ARFGEF1: variants seen among roughly 807,000 people sequenced by gnomAD.
ARFGEF1 encodes the protein ARF guanine nucleotide exchange factor 1.
Under a neutral mutation model 231.0 loss-of-function variants are expected in ARFGEF1, and 42 were observed. The observed-to-expected ratio is 0.18, with a 90% CI of 0.14 to 0.24. The LOEUF is 0.24. Ranked by LOEUF, ARFGEF1 falls within the 10% of genes least tolerant of loss-of-function variation. The probability of loss-of-function intolerance (pLI) is 1.00; values close to 1 mark genes in which losing one functional copy is unlikely to be tolerated. For missense variants in ARFGEF1, 1,345 were observed against 2,192.0 expected, an observed-to-expected ratio of 0.61 and a Z score of 7.72; for synonymous variants, 710 against 732.3, an observed-to-expected ratio of 0.97 and a Z score of 0.49.
intron 1 of ARFGEF1, among the ~76,000 whole-genome samples, chr8:67,341,722 C>A (rs1283848553): frequency 2.0e-5 from 3 of 152,178 alleles, no homozygotes; most frequent in Non-Finnish European, 4.4e-5. Context: ...TCCCCAGTCT[C>A]ACTCCAATTT....
intron 29 of ARFGEF1, 125 bp from the exon 30 acceptor site, chr8:67,219,685 G>A (rs1391335789): frequency 2.0e-6 from 2 of 993,942 alleles, no homozygotes; most frequent in African/African-American, 1.7e-5. Context: ...ATTAACACAT[G>A]ACACTGGGTT....
chr8:67,271,383 C>A (rs58715460), intron 10 of ARFGEF1, among the ~76,000 whole-genome samples: 19,763 of 151,920 alleles, frequency 0.13, 2,554 homozygotes, highest in African/African-American at 0.33. Flanking sequence ...CAAATGTATT[C>A]GAATATACCA....
chr8:67,227,982 A>G lies in ARFGEF1; in HGVS notation c.3572T>C (p.Ile1191Thr). Residue 1191 changes from isoleucine (I) to threonine (T), a missense_variant, in exon 25 of 39, where the codon ATT becomes ACT. Transcript: ENST00000262215. ...RLQWSRIWEV[I>T]GDHFNKVGCN... is the part of the protein sequence containing the mutation. ...AAATACCTTATTAAAATGATCTCCAATAACTTCCCAAATTCGAGACCACTG... is the reference window on the plus strand; with the variant it reads ...AAATACCTTATTAAAATGATCTCCAGTAACTTCCCAAATTCGAGACCACTG... The G allele has an allele frequency of 6.3e-7, 1 of 1,580,548 alleles. No homozygotes were observed. Among genetic ancestry groups the G allele is most frequent in the Non-Finnish European group, 8.5e-7 (1 of 1,171,182 alleles).
At chr8:67,176,954 C>G (rs535309536) in intron 5 of ARFGEF1, among the ~76,000 whole-genome samples, 55 of 151,824 alleles carry the variant, frequency 3.6e-4, no homozygotes, top group African/African-American at 1.2e-3. Flanking sequence ...GCCTGTAGTC[C>G]CAGCTACTCC....
At chr8:67,215,647 T>A (rs573961152) in intron 33 of ARFGEF1, among the ~76,000 whole-genome samples, 109 of 152,264 alleles carry the variant, frequency 7.2e-4, no homozygotes, top group African/African-American at 2.4e-3. Flanking sequence ...AGCCAAATAA[T>A]GCCAAAGGTT....
chr8:67,336,960 C>A (rs577169049), intron 1 of ARFGEF1, among the ~76,000 whole-genome samples: 2 of 151,626 alleles, frequency 1.3e-5, no homozygotes, highest in South Asian at 4.2e-4. Flanking sequence ...GAAACCCCAT[C>A]TCTAATAAAA....
Position 67,266,233 on chromosome 8 carries a change from A to C in ARFGEF1, c.1922-26T>G, listed in dbSNP as rs760240706. On this transcript the variant is annotated intron_variant, in intron 13 of 38. Transcript: ENST00000262215. ...CTGAAAGAAGAAAAATTGATAGAGT[A>C]CATTATTCTATCAAAGAAAAAAAAA... The C allele has an allele frequency of 5.7e-6, 9 of 1,582,396 alleles. No homozygotes were observed. In the South Asian group the frequency reaches 1.0e-4, roughly 18 times the overall value.
intron 5 of ARFGEF1, chr8:67,190,715 T>G: frequency 6.2e-7 from 1 of 1,614,086 alleles, no homozygotes; most frequent in Non-Finnish European, 8.5e-7. Flanking sequence ...ACAGTTGCCC[T>G]CTGCACGGGA....
At chr8:67,252,282 CAAAAAAAAA>C (rs57653248) in intron 18 of ARFGEF1, among the ~76,000 whole-genome samples, 3 of 21,872 alleles carry the variant, frequency 1.4e-4, no homozygotes, top group Non-Finnish European at 3.0e-4. Flanking sequence ...AACTCCATCT[CAAAAAAAAA>C]AAAAAAAAAA....
rs112008309 is a variant in ARFGEF1, at chr8:67,284,692, C to T, written c.1027+3263G>A. ...TGAGGAGCAACCTTGTGGTATTGGACGTGAAGTAGAACTACAAATAGGAAC... is the reference window on the plus strand; with the variant it reads ...TGAGGAGCAACCTTGTGGTATTGGATGTGAAGTAGAACTACAAATAGGAAC... On this transcript the variant is annotated intron_variant, in intron 7 of 38. Transcript: ENST00000262215. Among the ~76,000 whole-genome samples, 95 of 152,172 alleles carry T rather than the reference C, an allele frequency of 6.2e-4. 2 individuals are homozygous for T. The highest frequency in any genetic ancestry group is 3.5e-3 in the Admixed American group (53 of 15,290).
At chr8:67,311,647 C>T (rs1322114298) in intron 1 of ARFGEF1, among the ~76,000 whole-genome samples, 2 of 151,592 alleles carry the variant, frequency 1.3e-5, no homozygotes, top group African/African-American at 2.4e-5. Context: ...CCAGCCGCCC[C>T]GTCCGGGAGG....
chr8:67,267,275 T>A (rs374983072), intron 11 of ARFGEF1, 45 bp from the exon 12 acceptor site: 1 of 1,600,178 alleles, frequency 6.2e-7, no homozygotes, highest in African/African-American at 1.3e-5. Flanking sequence ...ATCTAGGATA[T>A]GAGTACATTT....
At chr8:67,255,716 C>T (rs1840432863) in intron 17 of ARFGEF1, among the ~76,000 whole-genome samples, 1 of 152,220 alleles carries the variant, frequency 6.6e-6, no homozygotes. Flanking sequence ...CAGCTGCAGG[C>T]TGCATAGCAG....
intron 1 of ARFGEF1, among the ~76,000 whole-genome samples, chr8:67,327,507 AT>A (rs1342272560): frequency 1.3e-5 from 2 of 152,012 alleles, no homozygotes; most frequent in African/African-American, 2.4e-5. Flanking sequence ...TTTACTATAG[AT>A]GGGGTTTCAC....
At chr8:67,206,314 G>A (rs1179585093) in intron 34 of ARFGEF1, among the ~76,000 whole-genome samples, 3 of 151,542 alleles carry the variant, frequency 2.0e-5, no homozygotes. Context: ...GGAGGCTGAG[G>A]CAGAAGAATG....
intron 19 of ARFGEF1, among the ~76,000 whole-genome samples, chr8:67,248,368 C>T (rs532605504): frequency 6.7e-6 from 1 of 150,164 alleles, no homozygotes; most frequent in Admixed American, 6.6e-5. Flanking sequence ...GACAAAGGAA[C>T]CAAGAACATA....
At chr8:67,287,368 TGA>T (rs1805804588) in intron 7 of ARFGEF1, among the ~76,000 whole-genome samples, 1 of 152,216 alleles carries the variant, frequency 6.6e-6, no homozygotes, top group Non-Finnish European at 1.5e-5. Context: ...ATGACTTCAC[TGA>T]GAGAAGACAT....
chr8:67,271,784 A>T lies in ARFGEF1; in HGVS notation c.1490T>A (p.Val497Asp). Reference sequence around the variant, plus strand: ...AAGAGAAAGCTCAAAAACCTCTGGAACAGATGAGACTCCATTTTTTGAGAG... The same window carrying T: ...AAGAGAAAGCTCAAAAACCTCTGGATCAGATGAGACTCCATTTTTTGAGAG... ...VALSKNGVSS[V>D]PEVFELSLSI... is the part of the protein sequence containing the mutation. The change falls in exon 10 of 39, where the codon GTT becomes GAT. Residue 497 changes from valine (V) to aspartate (D), a missense_variant. Around this residue, in one of 14 missense-constraint regions of ARFGEF1, gnomAD observed 141 missense variants for 259.9 expected, o/e 0.54. Coordinates refer to ENST00000262215, the MANE Select transcript of ARFGEF1 (RefSeq NM_006421.5). The T allele has an allele frequency of 1.2e-6, 2 of 1,613,912 alleles. No homozygotes were observed. Among genetic ancestry groups the T allele is most frequent in the Non-Finnish European group, 1.7e-6 (2 of 1,179,878 alleles).
intron 1 of ARFGEF1, among the ~76,000 whole-genome samples, chr8:67,320,250 A>AAAT (rs1563914100): frequency 7.3e-6 from 1 of 136,712 alleles, no homozygotes; most frequent in East Asian, 2.2e-4. Context: ...AAAAAAAAAA[A>AAAT]GTGCTCAACA....
Sources: gnomAD v4.1 joint callset for allele counts (sites outside exome capture counted in the v4.1 genomes callset) on GRCh38, gnomAD v4.1.1 for gene constraint, gnomAD v4.1.1 regional missense constraint, MANE v1.5 for transcripts, NCBI Gene and HGNC (gene_info 2026-07-23, HGNC 2026-07-21) for gene names.